BCAS1: variants seen among roughly 807,000 people sequenced by gnomAD.
The protein encoded by BCAS1 is brain enriched myelin associated protein 1, also known as breast carcinoma-amplified sequence 1.
A neutral mutation model predicts 65.4 loss-of-function variants in BCAS1; 46 were observed. That is an observed-to-expected ratio of 0.70 (90% confidence interval 0.55 to 0.90). The LOEUF is 0.90. Among genes scored for constraint, BCAS1 ranks in the 40% least tolerant of loss-of-function variants. The pLI is 0.00. For synonymous variants in BCAS1, 298 were observed against 293.5 expected (o/e 1.02, Z -0.16); for missense variants, 793 against 771.2 (o/e 1.03, Z -0.33).
At chr20:54,003,056 C>T (rs1242459817) in intron 4 of BCAS1, among the ~76,000 whole-genome samples, 2 of 152,036 alleles carry the variant, frequency 1.3e-5, no homozygotes, top group African/African-American at 4.8e-5. Flanking sequence ...GTTGAGGAAC[C>T]CCAGCTGGGG....
At chr20:54,040,327 A>G (rs2091968205) in intron 3 of BCAS1, among the ~76,000 whole-genome samples, 1 of 151,420 alleles carries the variant, frequency 6.6e-6, no homozygotes, top group Admixed American at 6.6e-5. Flanking sequence ...AGTGGTAAGC[A>G]GCTTACCAGG....
At chr20:54,019,353 T>C (rs2091507757) in intron 4 of BCAS1, among the ~76,000 whole-genome samples, 1 of 152,210 alleles carries the variant, frequency 6.6e-6, no homozygotes, top group Non-Finnish European at 1.5e-5. Flanking sequence ...GAGCCTTTAG[T>C]AGGTGGATGT....
intron 10 of BCAS1, 143 bp from the exon 11 acceptor site, chr20:53,957,640 A>C: frequency 4.2e-6 from 3 of 707,756 alleles, no homozygotes; most frequent in Admixed American, 4.6e-5. Context: ...GAAACATGTT[A>C]CTCATTGGAT....
intron 4 of BCAS1, among the ~76,000 whole-genome samples, chr20:54,000,729 A>G (rs111559194): frequency 0.016 from 2,375 of 148,656 alleles, 29 homozygotes; most frequent in Non-Finnish European, 0.027. Flanking sequence ...CTGTGTATTT[A>G]AATTCACAAT....
intron 4 of BCAS1, among the ~76,000 whole-genome samples, chr20:53,998,894 C>T (rs1461780819): frequency 3.3e-5 from 5 of 152,162 alleles, no homozygotes; most frequent in African/African-American, 4.8e-5. Context: ...ATCTTTACAA[C>T]AATCTTCTGA....
At chr20:54,013,749 T>C (rs965881628) in intron 4 of BCAS1, among the ~76,000 whole-genome samples, 1 of 152,228 alleles carries the variant, frequency 6.6e-6, no homozygotes, top group Non-Finnish European at 1.5e-5. Flanking sequence ...CAGAATACTC[T>C]GCAGGCATTA....
At chr20:53,973,043 G>C (rs2090223858) in intron 9 of BCAS1, among the ~76,000 whole-genome samples, 1 of 152,104 alleles carries the variant, frequency 6.6e-6, no homozygotes, top group Non-Finnish European at 1.5e-5. Context: ...GCCTGGCCAA[G>C]ATGGTGAAAC....
At chr20:53,976,444 C>G (rs1325923401) in intron 8 of BCAS1, among the ~76,000 whole-genome samples, 1 of 151,818 alleles carries the variant, frequency 6.6e-6, no homozygotes, top group Non-Finnish European at 1.5e-5. Context: ...TCCTTTAAGG[C>G]ATCCAGGGGA....
intron 10 of BCAS1, among the ~76,000 whole-genome samples, chr20:53,959,290 C>T (rs2089801620): frequency 6.6e-6 from 1 of 150,976 alleles, no homozygotes; most frequent in Admixed American, 6.6e-5. Flanking sequence ...GTCTCACTCT[C>T]TTGCCCAAGC....
At chr20:53,991,973 C>T (rs564620604) in intron 7 of BCAS1, among the ~76,000 whole-genome samples, 1 of 152,166 alleles carries the variant, frequency 6.6e-6, no homozygotes, top group Admixed American at 6.5e-5. Flanking sequence ...ACATCTTTAA[C>T]ATTTTTCTAC....
chr20:54,039,630 C>G (rs1330946422), intron 3 of BCAS1, among the ~76,000 whole-genome samples: 2 of 151,366 alleles, frequency 1.3e-5, no homozygotes, highest in African/African-American at 4.8e-5. Context: ...CAAAACCAGC[C>G]TTTGCTCCAA....
intron 8 of BCAS1, among the ~76,000 whole-genome samples, chr20:53,979,075 A>T (rs1190398803): frequency 6.6e-6 from 1 of 152,088 alleles, no homozygotes; most frequent in East Asian, 1.9e-4. Context: ...TCCTCTTGGT[A>T]CTTACATGAA....
intron 9 of BCAS1, among the ~76,000 whole-genome samples, chr20:53,974,179 G>A (rs557769097): frequency 3.9e-5 from 6 of 152,108 alleles, no homozygotes; most frequent in African/African-American, 9.7e-5. Flanking sequence ...GGATGTGGGC[G>A]GGGTCAAATA....
intron 10 of BCAS1, among the ~76,000 whole-genome samples, chr20:53,961,882 A>G (rs1053123999): frequency 2.5e-4 from 38 of 152,236 alleles, no homozygotes; most frequent in Non-Finnish European, 4.0e-4. Flanking sequence ...CCTTATGTCC[A>G]TCATGGGGCA....
chr20:53,996,924 C>CT (rs1304416279), intron 4 of BCAS1, among the ~76,000 whole-genome samples: 1 of 152,218 alleles, frequency 6.6e-6, no homozygotes, highest in Non-Finnish European at 1.5e-5. Context: ...GGCCCACTTT[C>CT]TTTGAGTTTT....
At chr20:54,048,497 A>G (rs148290466) in intron 3 of BCAS1, among the ~76,000 whole-genome samples, 8 of 152,100 alleles carry the variant, frequency 5.3e-5, no homozygotes, top group South Asian at 4.1e-4. Flanking sequence ...TTCCTCGCAT[A>G]ATACAAGGAG....
chr20:53,973,162 G>A (rs2090227237), intron 9 of BCAS1, among the ~76,000 whole-genome samples: 1 of 152,148 alleles, frequency 6.6e-6, no homozygotes, highest in African/African-American at 2.4e-5. Flanking sequence ...TGGGTGGGTG[G>A]AGGTTGCAGT....
chr20:53,957,461 C>G lies in BCAS1; in HGVS notation c.1522G>C (p.Glu508Gln). 1 of 1,614,112 alleles carries G rather than the reference C, an allele frequency of 6.2e-7. No homozygotes were observed. Among genetic ancestry groups the G allele is most frequent in the Non-Finnish European group, 8.5e-7 (1 of 1,179,948 alleles). Residue 508 changes from glutamate to glutamine, a missense_variant, in exon 11 of 13, where the codon GAA becomes CAA. Physicochemically the swap from Glu to Gln is conservative, Grantham distance 29 (BLOSUM62 2). Transcript: ENST00000688948. ...CAGCTGGAGTCTTTCCCATTTATTT[C>G]TTCTGAGTGGGTGATCCCTCCATCC... ...KGDGGITHSEEINGKDSSCQT... is the reference protein window; with the variant it reads ...KGDGGITHSEQINGKDSSCQT...
chr20:53,965,066 T>TA (rs1356797529), intron 10 of BCAS1, among the ~76,000 whole-genome samples: 6 of 152,126 alleles, frequency 3.9e-5, no homozygotes, highest in Non-Finnish European at 4.4e-5. Flanking sequence ...AAATTGGTTT[T>TA]AAAAAAAATC....
Sources: allele counts gnomAD v4.1 joint callset (sites outside exome capture counted in the v4.1 genomes callset), GRCh38; gene constraint gnomAD v4.1.1; transcripts MANE v1.5; gene names NCBI Gene and HGNC (gene_info 2026-07-23, HGNC 2026-07-21).